The following TANC2 variants were observed in gnomAD, a reference collection of about 807,000 sequenced individuals.
TANC2 encodes tetratricopeptide repeat, ankyrin repeat and coiled-coil containing 2.
In TANC2, 26 loss-of-function variants were observed where a neutral mutation model predicts 210.5. The ratio of observed to expected loss-of-function variants is 0.12; its 90% CI spans 0.09 to 0.17. The LOEUF is 0.17. Ranked by LOEUF, TANC2 falls within the 10% of genes least tolerant of loss-of-function variation. The pLI is 1.00. For synonymous variants in TANC2, 931 were observed against 967.1 expected (o/e 0.96, Z 0.69); for missense variants, 2,129 against 2,608.9 (o/e 0.82, Z 4.01).
intron 2 of TANC2, among the ~76,000 whole-genome samples, chr17:63,060,347 G>A (rs550492145): frequency 1.5e-4 from 23 of 152,300 alleles, no homozygotes; most frequent in African/African-American, 4.8e-4. Context: ...TGGGCTGGGC[G>A]TGGTGGCCCA....
At chr17:63,073,726 ACTTT>A (rs893505664) in intron 2 of TANC2, among the ~76,000 whole-genome samples, 34 of 152,290 alleles carry the variant, frequency 2.2e-4, no homozygotes, top group Non-Finnish European at 2.9e-4. Context: ...AAACACCTAC[ACTTT>A]CTTAAGACTT....
At chr17:63,356,306 G>A (rs958996299) in intron 14 of TANC2, among the ~76,000 whole-genome samples, 2 of 152,158 alleles carry the variant, frequency 1.3e-5, no homozygotes, top group Non-Finnish European at 2.9e-5. Flanking sequence ...AATAAAGTTG[G>A]TGTTTTCAAA....
At chr17:63,035,904 G>T (rs956668373) in intron 2 of TANC2, among the ~76,000 whole-genome samples, 1 of 152,160 alleles carries the variant, frequency 6.6e-6, no homozygotes, top group African/African-American at 2.4e-5. Flanking sequence ...GCTATTCTGT[G>T]TGTAGTGGTA....
In TANC2 at chr17:63,284,147, A is replaced by T. The variant is rs2044149507; in HGVS notation, c.1159+16274A>T. 2.0e-5 allele frequency among the ~76,000 whole-genome samples: 3 copies of T among 152,022 alleles called. No homozygotes were observed. In the East Asian group the frequency reaches 5.8e-4, roughly 29 times the overall value. ...GTTCTTTGCTGTTGTTAGTTTGTTG[A>T]TACTTTTTTTTCAATCAGGAATTTA... On this transcript the variant is annotated intron_variant, in intron 9 of 27. Coordinates refer to ENST00000689528, the Ensembl canonical transcript of TANC2.
At chr17:63,191,872 A>G (rs2041197521) in intron 5 of TANC2, among the ~76,000 whole-genome samples, 1 of 152,244 alleles carries the variant, frequency 6.6e-6, no homozygotes, top group Non-Finnish European at 1.5e-5. Flanking sequence ...TCTAGAAACC[A>G]GAAAGGAAGT....
At position 63,179,942 on chromosome 17, in the gene TANC2, G is replaced by A. The variant is rs115082240; in HGVS notation, c.434-14049G>A. On this transcript the variant is annotated intron_variant, in intron 5 of 27. Coordinates refer to ENST00000689528, the Ensembl canonical transcript of TANC2. ...CAAGAGGGTCAGGAATTCAAGACCAGCCTGGGCAACATAGGGAGACTACAT... is the reference window on the plus strand; with the variant it reads ...CAAGAGGGTCAGGAATTCAAGACCAACCTGGGCAACATAGGGAGACTACAT... 4.1e-3 allele frequency among the ~76,000 whole-genome samples: 599 copies of A among 146,978 alleles called. 5 individuals are homozygous for A. The highest frequency in any genetic ancestry group is 0.013 in the African/African-American group (517 of 39,360).
At chr17:63,055,182 A>G (rs1164537063) in intron 2 of TANC2, among the ~76,000 whole-genome samples, 1 of 152,190 alleles carries the variant, frequency 6.6e-6, no homozygotes. Flanking sequence ...ATCATTATAT[A>G]TGGAATATTC....
intron 6 of TANC2, 52 bp from the exon 7 acceptor site, chr17:63,200,719 A>G: frequency 6.9e-7 from 1 of 1,452,964 alleles, no homozygotes; most frequent in Non-Finnish European, 9.4e-7. Flanking sequence ...CTTAAAATAT[A>G]CTTTAACAGC....
chr17:63,335,844 TA>T (rs1201535313), intron 11 of TANC2, among the ~76,000 whole-genome samples: 2 of 152,158 alleles, frequency 1.3e-5, no homozygotes, highest in African/African-American at 4.8e-5. Flanking sequence ...TGTAAGATGT[TA>T]ATAATAAGGG....
intron 1 of TANC2, among the ~76,000 whole-genome samples, chr17:63,006,949 G>C (rs2033650548): frequency 6.6e-6 from 1 of 152,098 alleles, no homozygotes. Context: ...ATCTTGGCTA[G>C]ATGAGATGGC....
intron 9 of TANC2, among the ~76,000 whole-genome samples, chr17:63,308,148 A>G (rs984426841): frequency 1.3e-5 from 2 of 152,206 alleles, no homozygotes. Flanking sequence ...AGGCCTTTAC[A>G]TAACAGAAAG....
At chr17:63,344,685 A>G (rs2046343989) in intron 12 of TANC2, among the ~76,000 whole-genome samples, 1 of 152,242 alleles carries the variant, frequency 6.6e-6, no homozygotes, top group African/African-American at 2.4e-5. Flanking sequence ...AAATATTTCT[A>G]TACTAACAAC....
chr17:63,243,858 T>C (rs1432243551), intron 8 of TANC2, among the ~76,000 whole-genome samples: 2 of 152,222 alleles, frequency 1.3e-5, no homozygotes, highest in East Asian at 3.8e-4. Flanking sequence ...TTGTAAGTGA[T>C]GATACCAGCC....
chr17:63,136,898 G>T (rs769938563), intron 4 of TANC2, among the ~76,000 whole-genome samples: 37 of 152,020 alleles, frequency 2.4e-4, no homozygotes, highest in Middle Eastern at 6.8e-3. Flanking sequence ...AGATTGAGGC[G>T]GCAAGGGCAA....
At chr17:63,375,766 C>T (rs758962854) in intron 14 of TANC2, among the ~76,000 whole-genome samples, 4 of 146,416 alleles carry the variant, frequency 2.7e-5, no homozygotes, top group African/African-American at 5.6e-5. Flanking sequence ...CAAAAAATAA[C>T]TTAATTCAAA....
At chr17:63,365,793 A>C (rs1310760915) in intron 14 of TANC2, among the ~76,000 whole-genome samples, 1 of 152,036 alleles carries the variant, frequency 6.6e-6, no homozygotes, top group Non-Finnish European at 1.5e-5. Flanking sequence ...TTCAGATCTC[A>C]GCTTAAATGC....
chr17:63,051,871 G>C (rs974124545), intron 2 of TANC2, among the ~76,000 whole-genome samples: 1 of 152,114 alleles, frequency 6.6e-6, no homozygotes, highest in Non-Finnish European at 1.5e-5. Context: ...AGGTAGAGTA[G>C]GTTAAGCTAT....
chr17:63,114,161 T>C (rs976048089), intron 4 of TANC2, among the ~76,000 whole-genome samples: 1 of 152,196 alleles, frequency 6.6e-6, no homozygotes, highest in Non-Finnish European at 1.5e-5. Context: ...CTTTTTCAAA[T>C]GTTACAATTA....
At chr17:63,324,494 C>T (rs1445484075) in intron 11 of TANC2, among the ~76,000 whole-genome samples, 1 of 152,144 alleles carries the variant, frequency 6.6e-6, no homozygotes, top group Non-Finnish European at 1.5e-5. Context: ...CACACACACA[C>T]ATACATACAC....
Sources: allele counts gnomAD v4.1 joint callset (sites outside exome capture counted in the v4.1 genomes callset), GRCh38; gene constraint gnomAD v4.1.1; transcripts MANE v1.5; gene names NCBI Gene and HGNC (gene_info 2026-07-23, HGNC 2026-07-21).